The following CPEB1 variants were observed in gnomAD, a reference collection of about 807,000 sequenced individuals.
The protein encoded by CPEB1 is cytoplasmic polyadenylation element-binding protein 1.
A neutral mutation model predicts 65.8 loss-of-function variants in CPEB1; 7 were observed. The observed-to-expected ratio is 0.11, with a 90% CI of 0.06 to 0.20. The LOEUF (loss-of-function observed/expected upper bound fraction) is 0.20. Ranked by LOEUF, CPEB1 falls within the 10% of genes least tolerant of loss-of-function variation. CPEB1 has a pLI of 1.00. For synonymous variants in CPEB1, 262 were observed against 260.0 expected (o/e 1.01, Z -0.08); for missense variants, 551 against 712.2 (o/e 0.77, Z 2.58).
At chr15:82,555,848 C>T (rs780555491) in intron 6 of CPEB1, 22 bp downstream of exon 6, 1 of 1,600,538 alleles carries the variant, frequency 6.2e-7, no homozygotes, top group Non-Finnish European at 8.5e-7. Context: ...TCAGGCCTCA[C>T]ACATGCTCAA....
chr15:82,632,204 G>C (rs1222280091), intron 1 of CPEB1, among the ~76,000 whole-genome samples: 1 of 151,934 alleles, frequency 6.6e-6, no homozygotes, highest in Non-Finnish European at 1.5e-5. Context: ...GGATGGTCTT[G>C]ATCTCCTGAC....
At chr15:82,606,504 G>A (rs1180888853) in intron 3 of CPEB1, among the ~76,000 whole-genome samples, 2 of 146,674 alleles carry the variant, frequency 1.4e-5, no homozygotes, top group African/African-American at 2.5e-5. Context: ...CTCAGCACAT[G>A]CGCTAAGAAA....
chr15:82,544,808 C>T (rs1048661687), intron 12 of CPEB1, 106 bp from the exon 13 acceptor site: 35 of 807,624 alleles, frequency 4.3e-5, no homozygotes, highest in Non-Finnish European at 5.7e-5. Flanking sequence ...GGGAGACTCC[C>T]GATGGCCTCT....
intron 3 of CPEB1, chr15:82,571,957 T>C (rs1462079274): frequency 2.9e-6 from 2 of 687,906 alleles, no homozygotes; most frequent in African/African-American, 1.9e-5. Flanking sequence ...GCAGTGCCGT[T>C]AAGTCTGGGT....
rs1214851586 is a variant in CPEB1 at position 82,628,400 on chromosome 15, G to C, written c.60C>G (p.His20Gln). ...SSSMSGTGLE[H>Q]SSLSDCLLLI... ...GCAGAAGACAATCTGATAGAGATGAGTGCTCCAAACCAGTGCCAGACATGG... is the reference window on the plus strand; with the variant it reads ...GCAGAAGACAATCTGATAGAGATGACTGCTCCAAACCAGTGCCAGACATGG... Residue 20 changes from histidine (H) to glutamine (Q), a missense_variant, in exon 2 of 13, where the codon CAC becomes CAG. By Grantham distance (24) the His-to-Gln change is conservative. Coordinates refer to ENST00000684509, the MANE Select transcript of CPEB1 (RefSeq NM_001365242.1). The C allele has an allele frequency of 1.4e-6, 1 of 702,884 alleles. No homozygotes were observed. Among genetic ancestry groups the C allele is most frequent in the Non-Finnish European group, 2.6e-6 (1 of 384,938 alleles). The allele number at this position is 702,884 out of a possible 1,614,324, so 43.5% of individuals were successfully genotyped here.
At chr15:82,612,398 G>A (rs554772008) in intron 3 of CPEB1, among the ~76,000 whole-genome samples, 56 of 151,586 alleles carry the variant, frequency 3.7e-4, no homozygotes, top group African/African-American at 1.3e-3. Flanking sequence ...TTGGGAGGCT[G>A]AGGCAGGAGA....
chr15:82,580,849 CTTT>C (rs113794355), intron 3 of CPEB1, among the ~76,000 whole-genome samples: 2 of 147,230 alleles, frequency 1.4e-5, no homozygotes, highest in Non-Finnish European at 3.0e-5. Flanking sequence ...TCCCCAATTT[CTTT>C]TTTTTTTTTC....
intron 3 of CPEB1, among the ~76,000 whole-genome samples, chr15:82,625,964 C>A (rs2151312411): frequency 6.6e-6 from 1 of 150,700 alleles, no homozygotes; most frequent in Admixed American, 6.6e-5. Flanking sequence ...ACTAAAAATA[C>A]AAAAAATTAG....
chr15:82,578,284 T>A (rs1299878219), intron 3 of CPEB1, among the ~76,000 whole-genome samples: 1 of 152,246 alleles, frequency 6.6e-6, no homozygotes, highest in Admixed American at 6.5e-5. Flanking sequence ...TCAACCAATA[T>A]GAAGGAGGAA....
chr15:82,604,631 A>G (rs2043402508), intron 3 of CPEB1, among the ~76,000 whole-genome samples: 1 of 152,222 alleles, frequency 6.6e-6, no homozygotes, highest in Non-Finnish European at 1.5e-5. Context: ...GCTGAAAGGT[A>G]TAATAACTGC....
At chr15:82,610,016 C>A (rs1040581875) in intron 3 of CPEB1, among the ~76,000 whole-genome samples, 1 of 151,122 alleles carries the variant, frequency 6.6e-6, no homozygotes, top group African/African-American at 2.4e-5. Context: ...GCCGAGATCA[C>A]CCCACTGCAC....
At chr15:82,637,735 GA>G (rs1161466566) in intron 1 of CPEB1, among the ~76,000 whole-genome samples, 3 of 152,040 alleles carry the variant, frequency 2.0e-5, no homozygotes, top group Non-Finnish European at 4.4e-5. Flanking sequence ...AGGATCTCTG[GA>G]AAGTACAAAT....
rs540987926 is a variant in CPEB1, at chr15:82,549,473, G to T, written c.1467C>A (p.His489Gln). Residue 489 changes from histidine to glutamine, a missense_variant, in exon 10 of 13, where the codon CAC becomes CAA. This residue lies in a region of CPEB1 where 98 missense variants were observed against 157.6 expected (regional missense o/e 0.62). Coordinates refer to ENST00000684509, the MANE Select transcript of CPEB1 (RefSeq NM_001365242.1). ...VVYAGIDTDK[H>Q]KYPIGSGRVT... ...TGGGACACTTACCAATGGGATACTT[G>T]TGCTTATCTGTGTCAATCCCGGCAT... The T allele has an allele frequency of 6.2e-7, 1 of 1,614,206 alleles. No homozygotes were observed. Among genetic ancestry groups the T allele is most frequent in the Non-Finnish European group, 8.5e-7 (1 of 1,180,044 alleles).
In CPEB1 at chr15:82,611,007, T is replaced by TC. The variant is rs2044104889; in HGVS notation, c.271+16185dup. Among the ~76,000 whole-genome samples, 3 of 47,290 alleles carry TC rather than the reference T, an allele frequency of 6.3e-5. No homozygotes were observed. In the South Asian group the frequency reaches 2.0e-3, roughly 31 times the overall value. The allele number at this position is 47,290 out of a possible 152,430, so 31.0% of individuals were successfully genotyped here. On this transcript the variant is annotated intron_variant, in intron 3 of 12. Transcript: ENST00000684509. ...AAAAAAAGAAAAAAAGAAAAAAAAA[T>TC]CCTCAACTTGATAAAGGGCTCCTAC...
intron 1 of CPEB1, among the ~76,000 whole-genome samples, chr15:82,637,426 T>A (rs1030692517): frequency 6.6e-6 from 1 of 152,164 alleles, no homozygotes; most frequent in Non-Finnish European, 1.5e-5. Flanking sequence ...TCTCACACCT[T>A]TGTAAACATC....
intron 3 of CPEB1, among the ~76,000 whole-genome samples, chr15:82,575,995 G>C (rs1445949835): frequency 6.6e-6 from 1 of 152,182 alleles, no homozygotes; most frequent in Admixed American, 6.5e-5. Context: ...ACTAAGAGGA[G>C]TAAAAGTGTA....
chr15:82,600,665 T>C (rs6603031), intron 3 of CPEB1, among the ~76,000 whole-genome samples: 5,065 of 152,234 alleles, frequency 0.033, 160 homozygotes, highest in Non-Finnish European at 0.045. Flanking sequence ...AGTAAGTCAA[T>C]GATAACATGT....
intron 3 of CPEB1, among the ~76,000 whole-genome samples, chr15:82,592,577 C>T (rs373081078): frequency 2.3e-5 from 2 of 85,460 alleles, no homozygotes; most frequent in South Asian, 7.8e-4. Context: ...GATATTGTCT[C>T]AAAAAAAAAA....
intron 7 of CPEB1, 61 bp downstream of exon 7, chr15:82,553,817 A>T (rs1182267655): frequency 8.2e-7 from 1 of 1,214,248 alleles, no homozygotes; most frequent in Non-Finnish European, 1.2e-6. Context: ...TCCAAGTTTC[A>T]TGCTCCTGAA....
Sources: allele counts gnomAD v4.1 joint callset (sites outside exome capture counted in the v4.1 genomes callset), GRCh38; gene constraint gnomAD v4.1.1; regional missense constraint gnomAD v4.1.1; transcripts MANE v1.5; gene names NCBI Gene and HGNC (gene_info 2026-07-23, HGNC 2026-07-21).